Variants in OPRD1 observed in about 807,000 individuals in gnomAD.
OPRD1 encodes the protein opioid receptor delta 1.
Under a neutral mutation model 17.5 loss-of-function variants are expected in OPRD1, and 19 were observed. The observed-to-expected ratio is 1.09, with a 90% confidence interval of 0.76 to 1.60. The LOEUF is 1.60. Ranked by LOEUF, OPRD1 falls within the 40% of genes most tolerant of loss-of-function variation. OPRD1 has a pLI of 0.00. For synonymous variants in OPRD1, 256 were observed against 240.9 expected (o/e 1.06, Z -0.58); for missense variants, 483 against 547.2 (o/e 0.88, Z 1.17).
intron 1 of OPRD1, among the ~76,000 whole-genome samples, chr1:28,824,593 C>T (rs1005106583): frequency 2.6e-5 from 4 of 151,882 alleles, no homozygotes; most frequent in Non-Finnish European, 5.9e-5. Flanking sequence ...GCTGGGATTA[C>T]AGGCGTGAGC....
At chr1:28,830,904 G>A (rs1051581787) in intron 1 of OPRD1, among the ~76,000 whole-genome samples, 2 of 152,246 alleles carry the variant, frequency 1.3e-5, no homozygotes, top group African/African-American at 4.8e-5. Context: ...ACAGCAAGAA[G>A]CCATTGGTGA....
intron 1 of OPRD1, among the ~76,000 whole-genome samples, chr1:28,822,350 G>A (rs571031717): frequency 7.7e-4 from 117 of 152,256 alleles, no homozygotes; most frequent in Middle Eastern, 6.8e-3. Flanking sequence ...AAGTGCGCAA[G>A]TAGACACTGG....
At chr1:28,847,728 G>A (rs956459821) in intron 1 of OPRD1, among the ~76,000 whole-genome samples, 66 of 152,068 alleles carry the variant, frequency 4.3e-4, no homozygotes, top group African/African-American at 1.6e-3. Context: ...CAGCTACTTG[G>A]GAGACTGAGG....
chr1:28,860,779 T>C (rs973304101), intron 2 of OPRD1, among the ~76,000 whole-genome samples: 2 of 152,146 alleles, frequency 1.3e-5, no homozygotes, highest in Non-Finnish European at 2.9e-5. Flanking sequence ...CTAGTCCCTT[T>C]TGTGGAAGTT....
At chr1:28,843,711 C>G (rs768434375) in intron 1 of OPRD1, among the ~76,000 whole-genome samples, 2 of 151,266 alleles carry the variant, frequency 1.3e-5, no homozygotes, top group African/African-American at 4.9e-5. Context: ...ACCTCAACTT[C>G]GGGGTCAAGC....
intron 1 of OPRD1, 93 bp downstream of exon 1, chr1:28,812,703 C>A: frequency 8.7e-7 from 1 of 1,154,908 alleles, no homozygotes; most frequent in Non-Finnish European, 1.1e-6. Flanking sequence ...CCCTGGACTC[C>A]CCGCGCCTCC....
chr1:28,822,586 A>G (rs1242141559), intron 1 of OPRD1, among the ~76,000 whole-genome samples: 11 of 151,472 alleles, frequency 7.3e-5, no homozygotes, highest in African/African-American at 7.3e-5. Flanking sequence ...GGTTCAAGCA[A>G]TTCTCCTGCC....
At chr1:28,835,419 G>A (rs1230621539) in intron 1 of OPRD1, among the ~76,000 whole-genome samples, 1 of 152,200 alleles carries the variant, frequency 6.6e-6, no homozygotes, top group African/African-American at 2.4e-5. Flanking sequence ...CTTCTCCTAT[G>A]ACATGCTCTC....
chr1:28,820,861 A>G (rs1023032193), intron 1 of OPRD1, among the ~76,000 whole-genome samples: 1 of 151,976 alleles, frequency 6.6e-6, no homozygotes, highest in African/African-American at 2.4e-5. Flanking sequence ...CTGGCCTCCC[A>G]AAGTGCTGGG....
At chr1:28,851,039 G>GAAA (rs2088998539) in intron 1 of OPRD1, among the ~76,000 whole-genome samples, 1 of 151,896 alleles carries the variant, frequency 6.6e-6, no homozygotes, top group East Asian at 1.9e-4. Flanking sequence ...CACACACGGA[G>GAAA]CTGCCAGTTC....
chr1:28,837,181 G>A (rs2088860418), intron 1 of OPRD1, among the ~76,000 whole-genome samples: 1 of 152,156 alleles, frequency 6.6e-6, no homozygotes, highest in Non-Finnish European at 1.5e-5. Context: ...CCTTGCATAT[G>A]TAGTTCACAG....
intron 1 of OPRD1, among the ~76,000 whole-genome samples, chr1:28,829,499 G>T (rs2088794726): frequency 6.6e-6 from 1 of 152,002 alleles, no homozygotes; most frequent in African/African-American, 2.4e-5. Flanking sequence ...CTCCTGAGTA[G>T]CTGGGATTAC....
At chr1:28,813,773 G>A (rs186835649) in intron 1 of OPRD1, among the ~76,000 whole-genome samples, 2 of 152,298 alleles carry the variant, frequency 1.3e-5, no homozygotes, top group Admixed American at 6.5e-5. Context: ...CACCATGCAG[G>A]GCATAGGTCA....
chr1:28,847,048 C>T (rs2088960215), intron 1 of OPRD1, among the ~76,000 whole-genome samples: 1 of 146,958 alleles, frequency 6.8e-6, no homozygotes, highest in Admixed American at 6.9e-5. Context: ...TTCCTTTCCC[C>T]TTTCCTGTCC....
chr1:28,848,688 GGGAA>G (rs781254460), intron 1 of OPRD1, among the ~76,000 whole-genome samples: 1 of 152,156 alleles, frequency 6.6e-6, no homozygotes, highest in Non-Finnish European at 1.5e-5. Context: ...GTGAGAGGTG[GGGAA>G]GGAAGGAAGA....
chr1:28,831,482 C>T (rs2124268707), intron 1 of OPRD1, among the ~76,000 whole-genome samples: 1 of 149,678 alleles, frequency 6.7e-6, no homozygotes, highest in East Asian at 2.0e-4. Context: ...GCACTCCAGC[C>T]TGGGCGACAG....
chr1:28,830,112 G>C (rs1319396428), intron 1 of OPRD1, among the ~76,000 whole-genome samples: 2 of 152,142 alleles, frequency 1.3e-5, no homozygotes, highest in Non-Finnish European at 2.9e-5. Flanking sequence ...GAGAGGGAGA[G>C]AGATGGGGCA....
chr1:28,851,455 T>A (rs2089001636), intron 1 of OPRD1, among the ~76,000 whole-genome samples: 1 of 152,212 alleles, frequency 6.6e-6, no homozygotes, highest in Non-Finnish European at 1.5e-5. Context: ...AGAGGATGTC[T>A]TCCACCAAAA....
At chr1:28,856,438 C>T (rs2089058961) in intron 1 of OPRD1, among the ~76,000 whole-genome samples, 1 of 152,132 alleles carries the variant, frequency 6.6e-6, no homozygotes, top group African/African-American at 2.4e-5. Context: ...AATTCTGAAG[C>T]GATACCTCAG....
Sources: allele counts gnomAD v4.1 joint callset (sites outside exome capture counted in the v4.1 genomes callset), GRCh38; gene constraint gnomAD v4.1.1; transcripts MANE v1.5; gene names NCBI Gene and HGNC (gene_info 2026-07-23, HGNC 2026-07-21).